Variants in ST3GAL1 observed in about 807,000 individuals in gnomAD.
ST3GAL1 encodes the protein CMP-N-acetylneuraminate-beta-galactosamide-alpha-2,3-sialyltransferase 1.
ST3GAL1 carries 16 observed loss-of-function variants against 34.1 expected under a neutral mutation model. The ratio of observed to expected loss-of-function variants is 0.47; its 90% confidence interval spans 0.32 to 0.71. The LOEUF (loss-of-function observed/expected upper bound fraction) is 0.71, where lower values mean the gene tolerates loss of function less well. Among genes scored for constraint, ST3GAL1 ranks in the 30% least tolerant of loss-of-function variants. ST3GAL1 has a pLI of 0.04. For synonymous variants in ST3GAL1, 191 were observed against 184.7 expected, an observed-to-expected ratio of 1.03 and a Z score of -0.28; for missense variants, 353 against 447.4, an observed-to-expected ratio of 0.79 and a Z score of 1.90.
chr8:133,465,018 G>A, intron 6 of ST3GAL1, 61 bp from the exon 7 acceptor site: 1 of 1,521,864 alleles, frequency 6.6e-7, no homozygotes, highest in Non-Finnish European at 8.9e-7. Context: ...CAGACAGCCT[G>A]AGAGCTCCGA....
Position 133,466,352 on chromosome 8 carries a change from C to A in ST3GAL1, c.307-262G>T, listed in dbSNP as rs1815733743. 6.6e-6 allele frequency among the ~76,000 whole-genome samples: 1 copy of A among 152,212 alleles called. No homozygotes were observed. Among genetic ancestry groups the A allele is most frequent in the Admixed American group, 6.5e-5 (1 of 15,284 alleles). ...AGCACCTACCATGTGCCAGGCACTG[C>A]TGAAGCCGCTTGGGTGATCCAGCCA... On this transcript the variant is annotated intron_variant, in intron 5 of 9. Transcript: ENST00000522652. This position sits in a 1 kb window ranked among gnomAD's most constrained non-coding sequence, Gnocchi z 4.4.
intron 1 of ST3GAL1, among the ~76,000 whole-genome samples, chr8:133,554,091 G>A: frequency 6.6e-6 from 1 of 152,190 alleles, no homozygotes; most frequent in African/African-American, 2.4e-5. Flanking sequence ...TCTCATCAAA[G>A]GTGGAGGATT....
intron 2 of ST3GAL1, among the ~76,000 whole-genome samples, chr8:133,499,730 C>T (rs915749148): frequency 6.6e-5 from 10 of 152,154 alleles, no homozygotes; most frequent in African/African-American, 2.4e-4. Flanking sequence ...GCTCCAGCCT[C>T]GCCATCACAC....
Position 133,459,848 on chromosome 8 carries a change from C to A in ST3GAL1, c.939G>T (p.Thr313=). 1 of 1,614,146 alleles carries A rather than the reference C, an allele frequency of 6.2e-7. No homozygotes were observed. Among genetic ancestry groups the A allele is most frequent in the East Asian group, 2.2e-5 (1 of 44,870 alleles). Residue 313 remains threonine, a synonymous_variant, in exon 10 of 10, where the codon ACG becomes ACT. Coordinates refer to ENST00000522652, the MANE Select transcript of ST3GAL1 (RefSeq NM_173344.3). The surrounding 1 kb of genome is among the most constrained non-coding windows in gnomAD (Gnocchi z 4.7). ...ACTCAAAGTCTGCATCGTGCACCCC[C>A]GTCTTGCGAAAAGCCCCCGCGGATG... The part of the protein sequence containing the change: ...NNPSAGAFRK[T]GVHDADFESN...
chr8:133,552,006 C>T (rs531490344), intron 1 of ST3GAL1, among the ~76,000 whole-genome samples: 1 of 152,332 alleles, frequency 6.6e-6, no homozygotes, highest in East Asian at 1.9e-4. Flanking sequence ...TAACTCTACT[C>T]TATTGTAAAG....
rs371641318 is a variant in ST3GAL1, at chr8:133,486,223, G to A, written c.-373-9623C>T. On this transcript the variant is annotated intron_variant, in intron 3 of 9. Coordinates refer to ENST00000522652, the MANE Select transcript of ST3GAL1 (RefSeq NM_173344.3). ...GGTGTGAAGTGGATGGTGCCAGGCTGAGGTCGGCCCCTGCCCTGGGCCTCC... is the reference window on the plus strand; with the variant it reads ...GGTGTGAAGTGGATGGTGCCAGGCTAAGGTCGGCCCCTGCCCTGGGCCTCC... Among the ~76,000 whole-genome samples the A allele has an allele frequency of 2.6e-5, 4 of 152,344 alleles. No individual in the cohort carries two copies. In the East Asian group the frequency reaches 5.8e-4, roughly 22 times the overall value.
intron 1 of ST3GAL1, among the ~76,000 whole-genome samples, chr8:133,551,458 A>AAAAGAAAGAGAGAGAGAGAGAAAG (rs1818834238): frequency 6.6e-6 from 1 of 151,466 alleles, no homozygotes; most frequent in Non-Finnish European, 1.5e-5. Flanking sequence ...CAGAGTGAGG[A>AAAAGAAAGAGAGAGAGAGAGAAAG]AAAGAAAGAG....
At chr8:133,506,186 A>C (rs1817331051) in intron 2 of ST3GAL1, among the ~76,000 whole-genome samples, 1 of 152,048 alleles carries the variant, frequency 6.6e-6, no homozygotes, top group African/African-American at 2.4e-5. Context: ...GGCCAGACTG[A>C]CTTGCATTAA....
At chr8:133,519,757 C>A (rs1055666460) in intron 2 of ST3GAL1, among the ~76,000 whole-genome samples, 1 of 148,432 alleles carries the variant, frequency 6.7e-6, no homozygotes, top group Non-Finnish European at 1.5e-5. Context: ...ACCAACCTGG[C>A]CAACATAGTG....
chr8:133,497,621 C>T (rs568502269), intron 3 of ST3GAL1, among the ~76,000 whole-genome samples: 9 of 151,872 alleles, frequency 5.9e-5, no homozygotes, highest in Non-Finnish European at 8.8e-5. Context: ...TACAGGAGCC[C>T]GCCACCATGC....
At chr8:133,465,821 C>G in intron 6 of ST3GAL1, 73 bp downstream of exon 6, 1 of 1,524,444 alleles carries the variant, frequency 6.6e-7, no homozygotes, top group South Asian at 1.3e-5. Flanking sequence ...GAGCCTGAGC[C>G]AAGATGCTTC....
chr8:133,514,824 C>T (rs1279767807), intron 2 of ST3GAL1, among the ~76,000 whole-genome samples: 1 of 152,034 alleles, frequency 6.6e-6, no homozygotes, highest in Non-Finnish European at 1.5e-5. Context: ...CTGGTTTTTC[C>T]CATCCAGGGT....
Position 133,571,212 on chromosome 8 carries a change from C to T in ST3GAL1, c.-582+481G>A, listed in dbSNP as rs773946859. Among the ~76,000 whole-genome samples the T allele has an allele frequency of 3.6e-4, 55 of 152,304 alleles. No homozygotes were observed. The highest frequency in any genetic ancestry group is 3.7e-4 in the Non-Finnish European group (25 of 68,032). On this transcript the variant is annotated intron_variant, in intron 1 of 9. Coordinates refer to ENST00000522652, the MANE Select transcript of ST3GAL1 (RefSeq NM_173344.3). This position sits in a 1 kb window ranked among gnomAD's most constrained non-coding sequence, Gnocchi z 6.7. ...GCCTCCGCGGTGTCCCAGCCTGTGA[C>T]CCCAAATCCGCTCGAGAGCGCCTGA...
intron 2 of ST3GAL1, among the ~76,000 whole-genome samples, chr8:133,514,507 C>T (rs1518894): frequency 0.2 from 31,133 of 151,992 alleles, 3,395 homozygotes; most frequent in African/African-American, 0.25. Flanking sequence ...CCCAAAGGAT[C>T]CTGTGCTCCC....
rs780797700 is a variant in ST3GAL1, at chr8:133,541,096, C to CATAT, written c.-429+4674_-429+4677dup. 1.3e-3 allele frequency among the ~76,000 whole-genome samples: 50 copies of CATAT among 37,186 alleles called. 4 individuals carry two copies. Among genetic ancestry groups the CATAT allele is most frequent in the Middle Eastern group, 0.059 (2 of 34 alleles). 24.4% of individuals were successfully genotyped at this position (37,186 alleles called of 152,430 possible). On this transcript the variant is annotated intron_variant, in intron 2 of 9. Transcript: ENST00000522652. ...ATATATATAGACATATATATATAAA[C>CATAT]ATATATATATATATATATATATATA...
At chr8:133,481,922 GGTT>G (rs1205744617) in intron 3 of ST3GAL1, among the ~76,000 whole-genome samples, 2 of 151,992 alleles carry the variant, frequency 1.3e-5, no homozygotes, top group African/African-American at 2.4e-5. Context: ...TTTTCTTTGT[GGTT>G]GTTTTTGCTC....
At chr8:133,537,793 T>G (rs545966214) in intron 2 of ST3GAL1, among the ~76,000 whole-genome samples, 1 of 152,174 alleles carries the variant, frequency 6.6e-6, no homozygotes, top group Non-Finnish European at 1.5e-5. Flanking sequence ...TGGAATCTTG[T>G]TCCTACAAAC....
At chr8:133,559,705 G>A (rs1312695529) in intron 1 of ST3GAL1, among the ~76,000 whole-genome samples, 3 of 152,150 alleles carry the variant, frequency 2.0e-5, no homozygotes, top group South Asian at 2.1e-4. Context: ...TTATTAAAAG[G>A]GAATTTTCCA....
At chr8:133,471,811 G>A (rs1460696723) in intron 5 of ST3GAL1, among the ~76,000 whole-genome samples, 2 of 152,080 alleles carry the variant, frequency 1.3e-5, no homozygotes, top group Admixed American at 6.5e-5. Flanking sequence ...TGGACAGTAT[G>A]ATGGTATTAT....
Sources: allele counts gnomAD v4.1 joint callset (sites outside exome capture counted in the v4.1 genomes callset), GRCh38; gene constraint gnomAD v4.1.1; non-coding constraint Gnocchi (gnomAD v3.1); transcripts MANE v1.5; gene names NCBI Gene and HGNC (gene_info 2026-07-23, HGNC 2026-07-21).